BBOF1: variants seen among roughly 807,000 people sequenced by gnomAD.
BBOF1 encodes the protein basal body-orientation factor 1.
In BBOF1, 62 loss-of-function variants were observed where a neutral mutation model predicts 68.0. The ratio of observed to expected loss-of-function variants is 0.91; its 90% CI spans 0.74 to 1.13. The LOEUF (loss-of-function observed/expected upper bound fraction) is 1.13, where lower values mean the gene tolerates loss of function less well. Among genes scored for constraint, BBOF1 ranks in the 50% most tolerant of loss-of-function variants. The pLI, the probability that BBOF1 is intolerant of heterozygous loss-of-function variation, is 0.00. For synonymous variants in BBOF1, 208 were observed against 198.8 expected (o/e 1.05, Z -0.39); for missense variants, 534 against 600.1 (o/e 0.89, Z 1.15).
chr14:74,019,458 G>C lies in BBOF1; in HGVS notation c.-21G>C. The C allele has an allele frequency of 6.3e-7, 1 of 1,597,978 alleles. No individual in the cohort carries two copies. The highest frequency in any genetic ancestry group is 8.5e-7 in the Non-Finnish European group (1 of 1,172,512). On this transcript the variant is annotated 5_prime_UTR_variant, in exon 1 of 12. Coordinates refer to ENST00000394009, the MANE Select transcript of BBOF1 (RefSeq NM_025057.3). ...GCCGCGGCTGGGCAACTACGACAGC[G>C]GAGCCCCTGGGGAAGCCAAGATGCC...
intron 4 of BBOF1, among the ~76,000 whole-genome samples, chr14:74,034,723 A>G (rs1042434978): frequency 7.2e-5 from 11 of 152,312 alleles, no homozygotes; most frequent in Middle Eastern, 3.4e-3. Context: ...AGCTGAAATC[A>G]GCTTTGTGAC....
downstream of BBOF1, chr14:74,068,784 T>A: frequency 6.5e-7 from 1 of 1,542,540 alleles, no homozygotes; most frequent in Non-Finnish European, 8.9e-7. Flanking sequence ...ATGAGTGGCC[T>A]CTCTGCTGAA....
At chr14:74,025,273 C>T (rs1595008469) in intron 2 of BBOF1, among the ~76,000 whole-genome samples, 1 of 152,112 alleles carries the variant, frequency 6.6e-6, no homozygotes, top group Non-Finnish European at 1.5e-5. Context: ...TCATCTGCCT[C>T]CTTATATCAA....
chr14:74,055,274 G>T (rs1273494679), intron 8 of BBOF1: 2 of 258,702 alleles, frequency 7.7e-6, no homozygotes, highest in East Asian at 2.6e-4. Context: ...TCAGCCTCCC[G>T]AGTAGCTGGG....
intron 7 of BBOF1, chr14:74,048,645 G>A (rs1176347766): frequency 6.6e-6 from 1 of 152,142 alleles, no homozygotes; most frequent in Non-Finnish European, 1.5e-5. Context: ...TCTCGTTTAA[G>A]AGGTCTTTCT....
At position 74,019,452 on chromosome 14, in the gene BBOF1, G is replaced by A. The variant is rs1352840747; in HGVS notation, c.-27G>A. The A allele has an allele frequency of 1.3e-6, 2 of 1,594,688 alleles. No individual in the cohort carries two copies. The highest frequency in any genetic ancestry group is 1.1e-5 in the South Asian group (1 of 88,226). On this transcript the variant is annotated 5_prime_UTR_variant, in exon 1 of 12. Transcript: ENST00000394009. ...AGGGCGGCCGCGGCTGGGCAACTAC[G>A]ACAGCGGAGCCCCTGGGGAAGCCAA...
intron 9 of BBOF1, chr14:74,074,919 T>G: frequency 6.3e-7 from 1 of 1,598,782 alleles, no homozygotes; most frequent in Non-Finnish European, 8.6e-7. Flanking sequence ...ACTGAATTCC[T>G]TCTCAGAAGT....
At chr14:74,067,705 C>A (rs1373271251), downstream of BBOF1, 22 of 941,978 alleles carry the variant, frequency 2.3e-5, no homozygotes, top group Non-Finnish European at 3.5e-5. Flanking sequence ...AGAAGGATAA[C>A]TTGAGGTCAG....
At chr14:74,071,107 G>A (rs919072136) in intron 9 of BBOF1, 5 of 1,256,224 alleles carry the variant, frequency 4.0e-6, no homozygotes, top group Non-Finnish European at 4.7e-6. Context: ...TTACAAGTAG[G>A]TTCCTTATCC....
intron 5 of BBOF1, 156 bp downstream of exon 5, chr14:74,040,801 C>A: frequency 1.8e-6 from 1 of 553,000 alleles, no homozygotes; most frequent in Non-Finnish European, 3.2e-6. Context: ...GAAAATAAAA[C>A]CTTCTAGAAA....
At chr14:74,027,203 A>G (rs148992029) in intron 2 of BBOF1, among the ~76,000 whole-genome samples, 2 of 146,202 alleles carry the variant, frequency 1.4e-5, no homozygotes, top group East Asian at 4.2e-4. Flanking sequence ...CTCCTGCCTC[A>G]GCATCCTGAG....
intron 6 of BBOF1, among the ~76,000 whole-genome samples, chr14:74,047,295 C>G (rs906375433): frequency 6.6e-6 from 1 of 152,130 alleles, no homozygotes; most frequent in South Asian, 2.1e-4. Flanking sequence ...TTCCTTCTTG[C>G]ACCTCTGCCG....
At chr14:74,050,833 G>C (rs1287598571) in intron 8 of BBOF1, among the ~76,000 whole-genome samples, 1 of 152,132 alleles carries the variant, frequency 6.6e-6, no homozygotes, top group Non-Finnish European at 1.5e-5. Context: ...TGTAGGCCAG[G>C]CATGGTGGCT....
At chr14:74,078,458 A>G (rs1231983455) in intron 10 of BBOF1, 2 of 269,168 alleles carry the variant, frequency 7.4e-6, no homozygotes, top group African/African-American at 4.5e-5. Context: ...GGCTCAAGCC[A>G]TCTTCCTGCC....
intron 11 of BBOF1, among the ~76,000 whole-genome samples, chr14:74,061,743 A>G (rs191057078): frequency 7.7e-4 from 117 of 152,310 alleles, no homozygotes; most frequent in Non-Finnish European, 6.8e-4. Flanking sequence ...TCAATTACCT[A>G]TAACATGTGA....
At chr14:74,051,600 A>G (rs1202311753) in intron 8 of BBOF1, among the ~76,000 whole-genome samples, 1 of 151,800 alleles carries the variant, frequency 6.6e-6, no homozygotes, top group Admixed American at 6.6e-5. Flanking sequence ...TGTTTGAGAC[A>G]GTTGCAGACT....
downstream of BBOF1, chr14:74,069,099 TTC>T: frequency 3.8e-5 from 38 of 1,002,478 alleles, no homozygotes; most frequent in South Asian, 4.7e-5. Flanking sequence ...CTTTTACTTT[TTC>T]TTTTTTTTTT....
chr14:74,065,372 G>A lies in BBOF1; in HGVS notation c.*673G>A. 1.2e-6 allele frequency: 2 copies of A among 1,613,256 alleles called. No individual in the cohort carries two copies. The highest frequency in any genetic ancestry group is 1.7e-4 in the Middle Eastern group (1 of 5,926). On this transcript the variant is annotated 3_prime_UTR_variant, in exon 12 of 12. Coordinates refer to ENST00000394009, the MANE Select transcript of BBOF1 (RefSeq NM_025057.3). ...CAGGTCATATTTGGCTGCCAGGAGT[G>A]ATGCATCCAGAAAAGAAGTCAGCTT... is the stretch of plus-strand genomic sequence containing the variant.
rs776517732 is a variant in BBOF1, at chr14:74,019,522, G to A, written c.44G>A (p.Gly15Asp). 3 of 1,601,380 alleles carry A rather than the reference G, an allele frequency of 1.9e-6. No homozygotes were observed. The highest frequency in any genetic ancestry group is 2.6e-6 in the Non-Finnish European group (3 of 1,173,964). Residue 15 changes from glycine (G) to aspartate (D), a missense_variant, in exon 1 of 12, where the codon GGC (glycine) becomes GAC (aspartate). Transcript: ENST00000394009. Reference sequence around the variant, plus strand: ...GACAAAAAGAAAGGCAAGAGCAAAGGCAAAGACACGAAGTAAGGAGAAGCC... The same window carrying A: ...GACAAAAAGAAAGGCAAGAGCAAAGACAAAGACACGAAGTAAGGAGAAGCC... Reference protein sequence around the residue: ...GKDKKKGKSKGKDTKKLIKTD... With the variant: ...GKDKKKGKSKDKDTKKLIKTD...
Sources: gnomAD v4.1 joint callset for allele counts (sites outside exome capture counted in the v4.1 genomes callset) on GRCh38, gnomAD v4.1.1 for gene constraint, MANE v1.5 for transcripts, NCBI Gene and HGNC (gene_info 2026-07-23, HGNC 2026-07-21) for gene names.